The following THUMPD3 variants were observed in gnomAD, a reference collection of about 807,000 sequenced individuals.
THUMPD3 encodes tRNA (guanine(6)-N(2))-methyltransferase THUMP3.
Under a neutral mutation model 54.5 loss-of-function variants are expected in THUMPD3, and 44 were observed. That is an observed-to-expected ratio of 0.81 (90% CI 0.63 to 1.04). The LOEUF (loss-of-function observed/expected upper bound fraction) is 1.04. Among genes scored for constraint, THUMPD3 ranks in the 50% least tolerant of loss-of-function variants. The pLI, the probability that THUMPD3 is intolerant of heterozygous loss-of-function variation, is 0.00. For missense variants in THUMPD3, 604 were observed against 601.3 expected (o/e 1.00, Z -0.05); for synonymous variants, 196 against 201.4 (o/e 0.97, Z 0.23).
At chr3:9,383,994 ATAAC>A (rs1404215678) in intron 8 of THUMPD3, among the ~76,000 whole-genome samples, 5 of 152,236 alleles carry the variant, frequency 3.3e-5, no homozygotes, top group Non-Finnish European at 5.9e-5. Context: ...GACAAGTCAT[ATAAC>A]TAACACAGTT....
At chr3:9,369,309 C>CAAAAAAAAAAAAAA (rs779602979) in intron 3 of THUMPD3, among the ~76,000 whole-genome samples, 1 of 60,846 alleles carries the variant, frequency 1.6e-5, no homozygotes, top group Non-Finnish European at 2.8e-5. Context: ...GACTCCGTCT[C>CAAAAAAAAAAAAAA]AAAAAAAAAA....
intron 6 of THUMPD3, 47 bp from the exon 7 acceptor site, chr3:9,380,455 AT>A: frequency 8.0e-7 from 1 of 1,257,854 alleles, no homozygotes; most frequent in Non-Finnish European, 1.1e-6. Flanking sequence ...ATTTAATCAT[AT>A]TTTACAGTTT....
chr3:9,365,007 C>T lies in THUMPD3; in HGVS notation c.-53-9C>T. On this transcript the variant is annotated splice_polypyrimidine_tract_variant and intron_variant, in intron 1 of 9. Transcript: ENST00000452837. ...TAATATTTGGGCTTTATTTCTTTTTCTTTTAAAGGACAGTACTGCTTTTAA... is the reference window on the plus strand; with the variant it reads ...TAATATTTGGGCTTTATTTCTTTTTTTTTTAAAGGACAGTACTGCTTTTAA... 6.5e-7 allele frequency: 1 copy of T among 1,537,220 alleles called. No individual in the cohort carries two copies. The highest frequency in any genetic ancestry group is 8.7e-7 in the Non-Finnish European group (1 of 1,143,156).
Position 9,380,491 on chromosome 3 carries a change from C to CTT in THUMPD3, c.1009-11_1009-10dup, listed in dbSNP as rs748429807. On this transcript the variant is annotated splice_polypyrimidine_tract_variant and intron_variant, in intron 6 of 9. Coordinates refer to ENST00000452837, the MANE Select transcript of THUMPD3 (RefSeq NM_001114092.2). Reference sequence around the variant, plus strand: ...TGCTACTTTTGTTTTAACATACACTCTTATCTTTTAGGGGGCCACTGAATG... The same window carrying CTT: ...TGCTACTTTTGTTTTAACATACACTCTTTTATCTTTTAGGGGGCCACTGAATG... 6.4e-7 allele frequency: 1 copy of CTT among 1,567,040 alleles called. No homozygotes were observed. Among genetic ancestry groups the CTT allele is most frequent in the Non-Finnish European group, 8.7e-7 (1 of 1,142,980 alleles).
rs566701618 is a variant in THUMPD3, at chr3:9,381,918, T to C, written c.1125-1281T>C. Among the ~76,000 whole-genome samples, 8 of 151,384 alleles carry C rather than the reference T, an allele frequency of 5.3e-5. 2 individuals carry two copies. The highest frequency in any genetic ancestry group is 3.9e-4 in the Admixed American group (6 of 15,204). On this transcript the variant is annotated intron_variant, in intron 7 of 9. Coordinates refer to ENST00000452837, the MANE Select transcript of THUMPD3 (RefSeq NM_001114092.2). ...CCTCAGCCTCCCAAGTAGCTGGGAC[T>C]ACAGGCACCCGCCACCATGCCCGGC...
Position 9,366,996 on chromosome 3 carries a change from C to T in THUMPD3, c.330+11C>T. ...TTCAAACAAACAAAGGTGAGCTATC[C>T]TAAACATGGTGGCTGATTTTTGGCT... On this transcript the variant is annotated intron_variant, in intron 3 of 9. Coordinates refer to ENST00000452837, the MANE Select transcript of THUMPD3 (RefSeq NM_001114092.2). 1 of 1,602,408 alleles carries T rather than the reference C, an allele frequency of 6.2e-7. No individual in the cohort carries two copies. The highest frequency in any genetic ancestry group is 8.5e-7 in the Non-Finnish European group (1 of 1,174,806).
rs2031858149 is a variant in THUMPD3 at position 9,369,482 on chromosome 3, AT to A, written c.331-1577del. ...AAACAAAGTTTGTGTACACTGAACC[AT>A]CAGAAAGCAAAGGTGTCACTATCTC... On this transcript the variant is annotated intron_variant, in intron 3 of 9. Coordinates refer to ENST00000452837, the MANE Select transcript of THUMPD3 (RefSeq NM_001114092.2). 2.6e-5 allele frequency among the ~76,000 whole-genome samples: 4 copies of A among 152,326 alleles called. No individual in the cohort carries two copies. In the South Asian group the frequency reaches 8.3e-4, roughly 32 times the overall value.
At chr3:9,369,342 T>G (rs1328484956) in intron 3 of THUMPD3, among the ~76,000 whole-genome samples, 1 of 110,234 alleles carries the variant, frequency 9.1e-6, no homozygotes, top group African/African-American at 3.4e-5. Context: ...AAGAAAGAAA[T>G]ACTCTGAGGG....
intron 6 of THUMPD3, among the ~76,000 whole-genome samples, chr3:9,378,671 G>C (rs1360852706): frequency 6.6e-6 from 1 of 152,174 alleles, no homozygotes; most frequent in Non-Finnish European, 1.5e-5. Context: ...AGCCCACAAG[G>C]GGAGAAATAA....
In THUMPD3 at chr3:9,384,711, T is replaced by G. The variant is rs571834814; in HGVS notation, c.*23T>G. On this transcript the variant is annotated 3_prime_UTR_variant, in exon 10 of 10. Transcript: ENST00000452837. ...TGAAGATGACTAATAGTACTTGTAC[T>G]TCCCACCACTGGAAATGTTAGCATA... 1 of 1,612,128 alleles carries G rather than the reference T, an allele frequency of 6.2e-7. No individual in the cohort carries two copies. The highest frequency in any genetic ancestry group is 1.1e-5 in the South Asian group (1 of 90,974).
In THUMPD3 at chr3:9,380,540, G is replaced by A; in HGVS notation, c.1046G>A (p.Gly349Asp). 6.2e-7 allele frequency: 1 copy of A among 1,613,476 alleles called. No individual in the cohort carries two copies. Among genetic ancestry groups the A allele is most frequent in the Non-Finnish European group, 8.5e-7 (1 of 1,179,704 alleles). The change falls in exon 7 of 10, where the codon GGT (glycine) becomes GAT (aspartate). Residue 349 changes from glycine (G) to aspartate (D), a missense_variant. Transcript: ENST00000452837. ...TEWSDCFHIA[G>D]DNNPLAVNRA... ...TGGTCTGACTGTTTCCATATTGCTG[G>A]TGATAATAATCCACTGGCTGTGAAT...
intron 1 of THUMPD3, chr3:9,364,156 A>G (rs1028721978): frequency 6.6e-5 from 10 of 151,986 alleles, no homozygotes; most frequent in Admixed American, 5.2e-4. Flanking sequence ...CTAACCAGGT[A>G]CTACTCTCAC....
At chr3:9,369,092 A>G (rs1368551165) in intron 3 of THUMPD3, among the ~76,000 whole-genome samples, 1 of 152,024 alleles carries the variant, frequency 6.6e-6, no homozygotes, top group African/African-American at 2.4e-5. Context: ...CAGGTGAATC[A>G]TGAGGTCAGG....
chr3:9,364,639 G>T (rs1225780894), intron 1 of THUMPD3, among the ~76,000 whole-genome samples: 1 of 152,170 alleles, frequency 6.6e-6, no homozygotes, highest in Non-Finnish European at 1.5e-5. Context: ...GAGCCACCAC[G>T]CCCAGCCAAG....
At chr3:9,379,200 C>T (rs2032693273) in intron 6 of THUMPD3, among the ~76,000 whole-genome samples, 1 of 150,294 alleles carries the variant, frequency 6.7e-6, no homozygotes, top group African/African-American at 2.4e-5. Flanking sequence ...TGCTGAAAAT[C>T]CAAATAGGTT....
At position 9,371,539 on chromosome 3, in the gene THUMPD3, A is replaced by G. The variant is rs751382160; in HGVS notation, c.807+3A>G. On this transcript the variant is annotated splice_donor_region_variant and intron_variant, in intron 4 of 9. Transcript: ENST00000452837. ...ACATGACCAACTTTGATGTGGAGGT[A>G]GGTATAGGCTCTGACTGTGGTGATT... is the stretch of plus-strand genomic sequence containing the variant. The G allele has an allele frequency of 1.2e-6, 2 of 1,607,186 alleles. No homozygotes were observed. Among genetic ancestry groups the G allele is most frequent in the Non-Finnish European group, 1.7e-6 (2 of 1,175,392 alleles).
At chr3:9,367,379 C>G (rs144714632) in intron 3 of THUMPD3, among the ~76,000 whole-genome samples, 3 of 152,192 alleles carry the variant, frequency 2.0e-5, no homozygotes, top group African/African-American at 7.2e-5. Flanking sequence ...GCTTTCTTCT[C>G]TTTCTTCATT....
At chr3:9,383,010 A>G in intron 7 of THUMPD3, 189 bp from the exon 8 acceptor site, 2 of 471,690 alleles carry the variant, frequency 4.2e-6, no homozygotes, top group Non-Finnish European at 7.8e-6. Context: ...TATAGGCACA[A>G]GCTACCATGC....
At chr3:9,381,088 T>C (rs1024013987) in intron 7 of THUMPD3, among the ~76,000 whole-genome samples, 3 of 152,140 alleles carry the variant, frequency 2.0e-5, no homozygotes, top group African/African-American at 7.2e-5. Flanking sequence ...TGTGCCACCA[T>C]GCCCAGCTAA....
Sources: allele counts gnomAD v4.1 joint callset (sites outside exome capture counted in the v4.1 genomes callset), GRCh38; gene constraint gnomAD v4.1.1; transcripts MANE v1.5; gene names NCBI Gene and HGNC (gene_info 2026-07-23, HGNC 2026-07-21).